Variants in MAGI2 observed in about 807,000 individuals in gnomAD.
The protein encoded by MAGI2 is membrane associated guanylate kinase, WW and PDZ domain containing 2, also known as membrane-associated guanylate kinase, WW and PDZ domain-containing protein 2.
MAGI2 carries 35 observed loss-of-function variants against 133.3 expected under a neutral mutation model. The ratio of observed to expected loss-of-function variants is 0.26; its 90% CI spans 0.20 to 0.35. The LOEUF is 0.35. Among genes scored for constraint, MAGI2 ranks in the 10% least tolerant of loss-of-function variants. MAGI2 has a pLI of 1.00. For missense variants in MAGI2, 1,636 were observed against 1,863.4 expected (o/e 0.88, Z 2.25); for synonymous variants, 729 against 710.6 (o/e 1.03, Z -0.41).
At chr7:78,358,135 C>A (rs1280573024) in intron 7 of MAGI2, 1 of 125,546 alleles carries the variant, frequency 8.0e-6, no homozygotes, top group Admixed American at 9.6e-5. Context: ...TGCACTCCAG[C>A]CTGGGCGACA....
At chr7:79,070,004 G>A (rs1814797089) in intron 1 of MAGI2, among the ~76,000 whole-genome samples, 2 of 152,142 alleles carry the variant, frequency 1.3e-5, no homozygotes, top group African/African-American at 4.8e-5. Context: ...CTATTTGTGG[G>A]TAACCCAACC....
At chr7:78,837,063 C>T (rs1359095736) in intron 2 of MAGI2, among the ~76,000 whole-genome samples, 1 of 152,086 alleles carries the variant, frequency 6.6e-6, no homozygotes, top group Admixed American at 6.6e-5. Flanking sequence ...CTAAGGTGGA[C>T]ATTATTGTTA....
intron 2 of MAGI2, among the ~76,000 whole-genome samples, chr7:78,657,093 T>A (rs1419907256): frequency 6.6e-6 from 1 of 151,622 alleles, no homozygotes; most frequent in Non-Finnish European, 1.5e-5. Context: ...CCATATCATA[T>A]GTCATCAGGG....
chr7:78,928,317 AAG>A (rs1327657071), intron 2 of MAGI2, among the ~76,000 whole-genome samples: 1 of 151,934 alleles, frequency 6.6e-6, no homozygotes, highest in African/African-American at 2.4e-5. Context: ...GGTTATGACA[AAG>A]AGAGTCCCTT....
At chr7:78,334,897 AG>A (rs2151161904) in intron 9 of MAGI2, among the ~76,000 whole-genome samples, 1 of 152,318 alleles carries the variant, frequency 6.6e-6, no homozygotes, top group South Asian at 2.1e-4. Context: ...ATGTCAGTAA[AG>A]GCATGAGAGC....
chr7:78,756,740 C>G (rs1823984384), intron 2 of MAGI2, among the ~76,000 whole-genome samples: 2 of 152,146 alleles, frequency 1.3e-5, no homozygotes, highest in African/African-American at 4.8e-5. Context: ...ATGCTGATCT[C>G]TCATCACACT....
intron 10 of MAGI2, among the ~76,000 whole-genome samples, chr7:78,233,004 A>G (rs1460391988): frequency 1.3e-5 from 2 of 152,170 alleles, no homozygotes; most frequent in African/African-American, 4.8e-5. Flanking sequence ...ATGAAGAATG[A>G]GTTAATTGCG....
intron 2 of MAGI2, among the ~76,000 whole-genome samples, chr7:78,997,000 G>A (rs1187398814): frequency 6.6e-6 from 1 of 152,064 alleles, no homozygotes; most frequent in African/African-American, 2.4e-5. Context: ...TTTAAAAAAT[G>A]ACAAGGTAAA....
intron 3 of MAGI2, among the ~76,000 whole-genome samples, chr7:78,566,257 T>C (rs1800931195): frequency 6.6e-6 from 1 of 152,008 alleles, no homozygotes; most frequent in Admixed American, 6.6e-5. Context: ...GAACATTCAA[T>C]GTGAAATAGA....
At chr7:78,743,699 G>A (rs1054145937) in intron 2 of MAGI2, among the ~76,000 whole-genome samples, 10 of 152,148 alleles carry the variant, frequency 6.6e-5, no homozygotes, top group Admixed American at 1.3e-4. Flanking sequence ...CTACAGGCAT[G>A]GTCATGCACC....
intron 2 of MAGI2, among the ~76,000 whole-genome samples, chr7:78,714,205 C>A (rs143822694): frequency 6.6e-6 from 1 of 152,230 alleles, no homozygotes; most frequent in African/African-American, 2.4e-5. Context: ...AGTGTGGAAA[C>A]ACATGTGTAG....
intron 1 of MAGI2, among the ~76,000 whole-genome samples, chr7:79,254,350 T>C (rs1243096805): frequency 1.3e-5 from 2 of 152,334 alleles, no homozygotes; most frequent in East Asian, 1.9e-4. Flanking sequence ...TTCAACTCCA[T>C]AGAAGTATTT....
chr7:79,312,785 T>A (rs1219978985), intron 1 of MAGI2, among the ~76,000 whole-genome samples: 1 of 152,142 alleles, frequency 6.6e-6, no homozygotes, highest in Admixed American at 6.6e-5. Context: ...AGTATTGGGA[T>A]CTCCTCGAAT....
intron 2 of MAGI2, among the ~76,000 whole-genome samples, chr7:78,813,118 C>A (rs953864451): frequency 1.3e-5 from 2 of 152,236 alleles, no homozygotes; most frequent in East Asian, 3.9e-4. Context: ...CGGGCAAATT[C>A]TCTCAAATAT....
At chr7:78,898,473 A>G (rs1429780848) in intron 2 of MAGI2, among the ~76,000 whole-genome samples, 3 of 152,258 alleles carry the variant, frequency 2.0e-5, no homozygotes, top group Non-Finnish European at 4.4e-5. Context: ...CTATGCAGCC[A>G]TAAAAAATGA....
intron 1 of MAGI2, among the ~76,000 whole-genome samples, chr7:79,304,419 AGATACTCTGGT>A (rs1039311638): frequency 5.0e-4 from 48 of 95,396 alleles, no homozygotes; most frequent in African/African-American, 1.3e-3. Context: ...TTTCTTCCTT[AGATACTCTGGT>A]GATGGGAGAC....
intron 2 of MAGI2, among the ~76,000 whole-genome samples, chr7:78,964,768 G>T (rs1803160806): frequency 6.6e-6 from 1 of 151,976 alleles, no homozygotes; most frequent in Non-Finnish European, 1.5e-5. Flanking sequence ...CTTAGGAACA[G>T]AAATGAAATG....
At chr7:78,560,865 G>A (rs781618644) in intron 3 of MAGI2, among the ~76,000 whole-genome samples, 2 of 152,116 alleles carry the variant, frequency 1.3e-5, no homozygotes, top group Non-Finnish European at 2.9e-5. Context: ...ACAACATATA[G>A]CCTTTCTAGT....
intron 2 of MAGI2, among the ~76,000 whole-genome samples, chr7:78,810,233 C>G (rs910362942): frequency 5.3e-5 from 8 of 151,876 alleles, no homozygotes; most frequent in African/African-American, 1.5e-4. Flanking sequence ...TTCTTTTAAA[C>G]TGTTGGCAGC....
Sources: gnomAD v4.1 joint callset for allele counts (sites outside exome capture counted in the v4.1 genomes callset) on GRCh38, gnomAD v4.1.1 for gene constraint, MANE v1.5 for transcripts, NCBI Gene and HGNC (gene_info 2026-07-23, HGNC 2026-07-21) for gene names.